TSBP1: variants seen among roughly 807,000 people sequenced by gnomAD.
TSBP1 encodes testis expressed basic protein 1.
A neutral mutation model predicts 68.8 loss-of-function variants in TSBP1; 56 were observed. The observed-to-expected ratio is 0.81, with a 90% CI of 0.66 to 1.02. The LOEUF (loss-of-function observed/expected upper bound fraction) is 1.02. TSBP1 is among the 50% of genes least tolerant of loss of function. The pLI is 0.00. For missense variants in TSBP1, 502 were observed against 641.2 expected (o/e 0.78, Z 2.34); for synonymous variants, 171 against 208.7 (o/e 0.82, Z 1.56).
At chr6:32,305,329 A>C (rs1359092787) in intron 19 of TSBP1, among the ~76,000 whole-genome samples, 1 of 152,210 alleles carries the variant, frequency 6.6e-6, no homozygotes, top group Non-Finnish European at 1.5e-5. Flanking sequence ...TAGATTAAGT[A>C]AATTTACTGA....
At chr6:32,342,139 A>AT (rs1389894690) in intron 9 of TSBP1, among the ~76,000 whole-genome samples, 7 of 133,252 alleles carry the variant, frequency 5.3e-5, no homozygotes, top group African/African-American at 1.7e-4. Context: ...TTCTCCATTC[A>AT]TTTTTTCCAG....
At position 32,314,547 on chromosome 6, in the gene TSBP1, A is replaced by T. The variant is rs1024749474; in HGVS notation, c.580+1225T>A. ...TTTCATCTGTGCAGTGAGAATACTTAGCTGATCAGCCTCTTTGCTCAGGCT... is the reference window on the plus strand; with the variant it reads ...TTTCATCTGTGCAGTGAGAATACTTTGCTGATCAGCCTCTTTGCTCAGGCT... On this transcript the variant is annotated intron_variant, in intron 19 of 22. Coordinates refer to ENST00000612031, the Ensembl canonical transcript of TSBP1. This position sits in a 1 kb window ranked among gnomAD's most constrained non-coding sequence, Gnocchi z 4.2. Among the ~76,000 whole-genome samples, 2 of 152,226 alleles carry T rather than the reference A, an allele frequency of 1.3e-5. No homozygotes were observed. Among genetic ancestry groups the T allele is most frequent in the African/African-American group, 4.8e-5 (2 of 41,458 alleles).
At chr6:32,366,214 A>T (rs1263130821) in intron 5 of TSBP1, 27 bp from the exon 6 acceptor site, 1 of 1,593,772 alleles carries the variant, frequency 6.3e-7, no homozygotes, top group Non-Finnish European at 8.5e-7. Flanking sequence ...AAATTATAAG[A>T]TTCTTAATTT....
intron 21 of TSBP1, 90 bp from the exon 25 acceptor site, chr6:32,300,026 A>G: frequency 9.4e-7 from 1 of 1,066,154 alleles, no homozygotes; most frequent in Non-Finnish European, 1.5e-6. Flanking sequence ...AGGTGAACTT[A>G]GAAACAGGAC....
chr6:32,321,942 G>A lies in TSBP1; in HGVS notation c.559+1175C>T, dbSNP rs1313149745. Among the ~76,000 whole-genome samples the A allele has an allele frequency of 6.6e-6, 1 of 152,202 alleles. No individual in the cohort carries two copies. The highest frequency in any genetic ancestry group is 2.4e-5 in the African/African-American group (1 of 41,448). On this transcript the variant is annotated intron_variant, in intron 18 of 22. Coordinates refer to ENST00000612031, the Ensembl canonical transcript of TSBP1. This position sits in a 1 kb window ranked among gnomAD's most constrained non-coding sequence, Gnocchi z 4.3. ...AAGAGGTTGGCTGGAGCAGGCAGCA[G>A]CTACCCTCTTCAGACTATATGTGTC...
At chr6:32,324,783 A>ATT in intron 16 of TSBP1, 9 of 1,332,798 alleles carry the variant, frequency 6.8e-6, no homozygotes, top group South Asian at 2.8e-5. Context: ...TTGCTTGAAC[A>ATT]TTTTTTTTTT....
chr6:32,315,914 T>C lies in TSBP1; in HGVS notation c.560-122A>G. 1.7e-6 allele frequency: 1 copy of C among 598,182 alleles called. No individual in the cohort carries two copies. The highest frequency in any genetic ancestry group is 2.8e-5 in the East Asian group (1 of 36,046). The allele number at this position is 598,182 out of a possible 1,614,324, so 37.1% of individuals were successfully genotyped here. ...CTTGTGTGGGCAAAGAAGGAAGCAT[T>C]CCAAACCACCCTATAGATTAGTTTT... On this transcript the variant is annotated intron_variant, in intron 18 of 22. Transcript: ENST00000612031. This position sits in a 1 kb window ranked among gnomAD's most constrained non-coding sequence, Gnocchi z 5.4.
chr6:32,293,286 C>A (rs373310192), exon 23 of TSBP1: 38 of 1,611,834 alleles, frequency 2.4e-5, no homozygotes, highest in Non-Finnish European at 2.9e-5. Context: ...GGTACACTCA[C>A]CTCAGTGTTC....
intron 16 of TSBP1, among the ~76,000 whole-genome samples, chr6:32,326,786 T>G (rs3129905): frequency 0.68 from 104,091 of 151,968 alleles, 35,814 homozygotes; most frequent in South Asian, 0.82. Flanking sequence ...CCTTCTTAGG[T>G]CAGGGGCATA....
chr6:32,322,494 C>G, intron 18 of TSBP1: 1 of 1,604,092 alleles, frequency 6.2e-7, no homozygotes. Context: ...ACTTGCGGTT[C>G]TCTGTGAAAT....
rs1770106388 is a variant in TSBP1 at position 32,339,604 on chromosome 6, A to AGGTT, written c.380_383dup (p.Pro129ThrfsTer94). On this transcript the variant is annotated frameshift_variant, in exon 10 of 23. Coordinates refer to ENST00000612031, the Ensembl canonical transcript of TSBP1. LOFTEE classifies it high-confidence loss of function. ...TTGTATATATGGGAAACTTACAAGG[A>AGGTT]GGTTCTTCAGTTGTTTGTAAACATT... The AGGTT allele has an allele frequency of 7.8e-7, 1 of 1,288,126 alleles. No homozygotes were observed. The highest frequency in any genetic ancestry group is 1.1e-6 in the Non-Finnish European group (1 of 895,666). The allele number at this position is 1,288,126 out of a possible 1,614,324, so 79.8% of individuals were successfully genotyped here.
rs944519249 is a variant in TSBP1 at position 32,309,136 on chromosome 6, G to C, written c.581-6507C>G. 2.2e-4 allele frequency among the ~76,000 whole-genome samples: 34 copies of C among 151,844 alleles called. 1 individual carries two copies. Among genetic ancestry groups the C allele is most frequent in the Non-Finnish European group, 2.9e-5 (2 of 67,962 alleles). On this transcript the variant is annotated intron_variant, in intron 19 of 22. Transcript: ENST00000612031. ...ACCTGATGTTTGTATTTTTTGTAGA[G>C]ACAGGATTTCACCATGGTGCCCAGC...
rs766720731 is a variant in TSBP1, at chr6:32,349,739, C to G, written c.349+1G>C. 3.8e-6 allele frequency: 6 copies of G among 1,572,878 alleles called. No individual in the cohort carries two copies. In the African/African-American group the frequency reaches 4.1e-5, roughly 11 times the overall value. ...AATTGAAGAAAAGTAAAGGAACTTA[C>G]CAATACTTGATCGAGACAGTGCTAA... On this transcript the variant is annotated splice_donor_variant, in intron 9 of 22. Transcript: ENST00000612031. LOFTEE classifies it high-confidence loss of function.
chr6:32,324,777 T>G, intron 16 of TSBP1: 1 of 1,480,300 alleles, frequency 6.8e-7, no homozygotes. Context: ...ATATACTTGC[T>G]TGAACATTTT....
chr6:32,362,033 G>A (rs1319032845), intron 6 of TSBP1, among the ~76,000 whole-genome samples: 2 of 152,106 alleles, frequency 1.3e-5, no homozygotes, highest in Non-Finnish European at 2.9e-5. Context: ...GCTCAAGCCT[G>A]TAATCCCAGC....
intron 8 of TSBP1, among the ~76,000 whole-genome samples, chr6:32,351,972 T>C (rs1363350300): frequency 6.6e-6 from 1 of 152,004 alleles, no homozygotes; most frequent in Non-Finnish European, 1.5e-5. Context: ...ATGGAATAAA[T>C]CTTCAAAGTA....
chr6:32,339,622 TA>T lies in TSBP1; in HGVS notation c.365del (p.Leu122TyrfsTer15). On this transcript the variant is annotated frameshift_variant, in exon 10 of 23. Transcript: ENST00000612031. LOFTEE classifies it high-confidence loss of function. ...TACAAGGAGGTTCTTCAGTTGTTTG[TA>T]AACATTTTATACTACCTATAATAAA... is the stretch of plus-strand genomic sequence containing the variant. 1 of 1,282,612 alleles carries T rather than the reference TA, an allele frequency of 7.8e-7. No homozygotes were observed. Among genetic ancestry groups the T allele is most frequent in the Non-Finnish European group, 1.1e-6 (1 of 892,860 alleles). 79.5% of individuals were successfully genotyped at this position (1,282,612 alleles called of 1,614,324 possible).
rs1024851876 is a variant in TSBP1, at chr6:32,336,185, T to C, written c.431-253A>G. ...GGGTTGGGAAAGACTCACTCCATAT[T>C]AATCTGTTATGCCTCTATTTTTCTT... On this transcript the variant is annotated intron_variant, in intron 12 of 22. Transcript: ENST00000612031. The surrounding 1 kb of genome is among the most constrained non-coding windows in gnomAD (Gnocchi z 5.2). Among the ~76,000 whole-genome samples the C allele has an allele frequency of 1.3e-5, 2 of 152,214 alleles. No homozygotes were observed. The highest frequency in any genetic ancestry group is 4.8e-5 in the African/African-American group (2 of 41,462).
chr6:32,328,987 C>G (rs1015782796), intron 16 of TSBP1, among the ~76,000 whole-genome samples: 19 of 152,102 alleles, frequency 1.2e-4, no homozygotes, highest in African/African-American at 4.6e-4. Context: ...ACCCATTACC[C>G]AAATAGTGAA....
Sources: gnomAD v4.1 joint callset for allele counts (sites outside exome capture counted in the v4.1 genomes callset) on GRCh38, gnomAD v4.1.1 for gene constraint, Gnocchi (gnomAD v3.1) non-coding constraint, MANE v1.5 for transcripts, NCBI Gene and HGNC (gene_info 2026-07-23, HGNC 2026-07-21) for gene names.